Variants in OLR1 observed in about 807,000 individuals in gnomAD.
OLR1 encodes oxidized low density lipoprotein receptor 1.
OLR1 carries 23 observed loss-of-function variants against 31.7 expected under a neutral mutation model. The observed-to-expected ratio is 0.72, with a 90% confidence interval of 0.52 to 1.03. OLR1 has a LOEUF of 1.03. Ranked by LOEUF, OLR1 falls within the 50% of genes least tolerant of loss-of-function variation. OLR1 has a pLI of 0.00. For synonymous variants in OLR1, 117 were observed against 115.8 expected (o/e 1.01, Z -0.07); for missense variants, 286 against 315.7 (o/e 0.91, Z 0.71).
intron 1 of OLR1, 37 bp downstream of exon 1, chr12:10,171,965 G>T: frequency 6.7e-7 from 1 of 1,493,706 alleles, no homozygotes; most frequent in South Asian, 1.1e-5. Context: ...CTAACACTGG[G>T]ATTCTTTCCC....
Position 10,172,129 on chromosome 12 carries a change from A to C in OLR1, c.-52T>G. 1 of 1,275,736 alleles carries C rather than the reference A, an allele frequency of 7.8e-7. No homozygotes were observed. The highest frequency in any genetic ancestry group is 1.1e-6 in the Non-Finnish European group (1 of 875,126). 79.0% of individuals were successfully genotyped at this position (1,275,736 alleles called of 1,614,324 possible). ...AGTGAAGCAGTCACGAACTTCAACA[A>C]ACTAAAAATATGTGAGCTTCTGCAG... On this transcript the variant is annotated 5_prime_UTR_variant, in exon 1 of 6. Transcript: ENST00000309539.
chr12:10,160,512 G>A, intron 4 of OLR1, 50 bp from the exon 5 acceptor site: 2 of 1,410,854 alleles, frequency 1.4e-6, no homozygotes, highest in Non-Finnish European at 2.0e-6. Context: ...GGTGGTTTTA[G>A]AATCTGAAAG....
chr12:10,173,356 T>C (rs1043638128), upstream of OLR1, among the ~76,000 whole-genome samples: 3 of 152,104 alleles, frequency 2.0e-5, no homozygotes, highest in Admixed American at 6.5e-5. Flanking sequence ...GAAAAATAAA[T>C]ACATAAATAA....
At chr12:10,174,100 A>G (rs769430991), upstream of OLR1, among the ~76,000 whole-genome samples, 5 of 151,984 alleles carry the variant, frequency 3.3e-5, no homozygotes, top group Non-Finnish European at 5.9e-5. Context: ...CACCCTTGTT[A>G]CCCAGGGTGG....
Position 10,158,505 on chromosome 12 carries a change from A to G in OLR1, c.*1375T>C, listed in dbSNP as rs886291715. On this transcript the variant is annotated 3_prime_UTR_variant, in exon 6 of 6. Transcript: ENST00000309539. ...TTATGCAAAGTGAAAGAAGCCAGACAAAAAAAAAAGACATACTATATGATT... is the reference window on the plus strand; with the variant it reads ...TTATGCAAAGTGAAAGAAGCCAGACGAAAAAAAAAGACATACTATATGATT... The G allele has an allele frequency of 6.7e-6, 1 of 148,702 alleles. No homozygotes were observed. Among genetic ancestry groups the G allele is most frequent in the African/African-American group, 2.5e-5 (1 of 40,592 alleles). The allele number at this position is 148,702 out of a possible 1,614,324, so 9.2% of individuals were successfully genotyped here. A position where few individuals can be genotyped will look rare whatever the true frequency, so the allele number is the denominator to read the frequency against.
chr12:10,170,339 C>T (rs1948701221), intron 1 of OLR1: 2 of 152,114 alleles, frequency 1.3e-5, no homozygotes, highest in Non-Finnish European at 1.5e-5. Context: ...GTGTGTGTGG[C>T]AAGCTAGCAG....
chr12:10,162,996 A>G (rs1024486128), intron 3 of OLR1, among the ~76,000 whole-genome samples: 3 of 150,462 alleles, frequency 2.0e-5, no homozygotes, highest in Non-Finnish European at 4.4e-5. Flanking sequence ...TAAACAGAGT[A>G]AGTGATATTT....
At chr12:10,172,334 G>T, upstream of OLR1, 1 of 365,092 alleles carries the variant, frequency 2.7e-6, no homozygotes, top group Non-Finnish European at 5.1e-6. Flanking sequence ...AGTAATTTAT[G>T]AAAGGGAAAA....
chr12:10,161,921 A>G (rs1234437000), intron 3 of OLR1, among the ~76,000 whole-genome samples: 1 of 61,272 alleles, frequency 1.6e-5, no homozygotes, highest in Non-Finnish European at 3.1e-5. Flanking sequence ...TAGAAATTTT[A>G]ATGATATATA....
chr12:10,175,943 C>T (rs1050673584), upstream of OLR1, among the ~76,000 whole-genome samples: 2 of 152,228 alleles, frequency 1.3e-5, no homozygotes, highest in South Asian at 2.1e-4. Flanking sequence ...ACACTTGTTA[C>T]ACCAGTTGTA....
chr12:10,172,752 A>G (rs185261786), upstream of OLR1, among the ~76,000 whole-genome samples: 266 of 152,278 alleles, frequency 1.7e-3, 3 homozygotes, highest in South Asian at 1.9e-3. Context: ...TTAGTCTACA[A>G]TCTTGGGAAA....
chr12:10,171,883 A>G, intron 1 of OLR1, 119 bp downstream of exon 1: 1 of 673,240 alleles, frequency 1.5e-6, no homozygotes, highest in South Asian at 1.9e-5. Flanking sequence ...AGTAAATGGT[A>G]TTAATTCTAT....
At chr12:10,165,325 G>C (rs916576212) in intron 3 of OLR1, among the ~76,000 whole-genome samples, 1 of 151,298 alleles carries the variant, frequency 6.6e-6, no homozygotes, top group Non-Finnish European at 1.5e-5. Flanking sequence ...AGCTACTTGG[G>C]AGTCTGAGAC....
chr12:10,166,479 G>T (rs1948662782), intron 3 of OLR1, among the ~76,000 whole-genome samples: 1 of 149,484 alleles, frequency 6.7e-6, no homozygotes, highest in African/African-American at 2.5e-5. Context: ...AGTGAGCAGA[G>T]ATCACACCAC....
chr12:10,166,972 C>G lies in OLR1; in HGVS notation c.179-15G>C. On this transcript the variant is annotated splice_polypyrimidine_tract_variant and intron_variant, in intron 2 of 5. Transcript: ENST00000309539. The stretch of plus-strand genomic sequence containing the variant: ...CACCTGGGATACTGAATCACAGTTG[C>G]ATTAAGACTCTAGTTCTAATCCAAA... 6.2e-7 allele frequency: 1 copy of G among 1,607,836 alleles called. No homozygotes were observed. Among genetic ancestry groups the G allele is most frequent in the Non-Finnish European group, 8.5e-7 (1 of 1,177,868 alleles).
intron 3 of OLR1, among the ~76,000 whole-genome samples, chr12:10,162,032 G>A (rs1020482465): frequency 6.6e-6 from 1 of 151,784 alleles, no homozygotes; most frequent in Non-Finnish European, 1.5e-5. Flanking sequence ...ATTTAAACGA[G>A]ATTTTAGAAA....
rs1948667827 is a variant in OLR1, at chr12:10,166,922, C to T, written c.214G>A (p.Ala72Thr). The T allele has an allele frequency of 9.3e-6, 15 of 1,613,656 alleles. No homozygotes were observed. Among genetic ancestry groups the T allele is most frequent in the Non-Finnish European group, 1.3e-5 (15 of 1,179,954 alleles). The stretch of plus-strand genomic sequence containing the variant: ...TTCTTTTTCTGGTGAGTTAGGTTTG[C>T]TTGCTCTTGTGTTAGGAGGTCAGAC... ...QVSDLLTQEQ[A>T]NLTHQKKKLE... Residue 72 changes from alanine (A) to threonine (T), a missense_variant, in exon 3 of 6, where the codon GCA becomes ACA. By Grantham distance (58) the Ala-to-Thr change is moderately conservative (BLOSUM62 0). Coordinates refer to ENST00000309539, the MANE Select transcript of OLR1 (RefSeq NM_002543.4).
intron 2 of OLR1, chr12:10,167,257 C>T: frequency 3.6e-6 from 1 of 275,740 alleles, no homozygotes; most frequent in Admixed American, 5.0e-5. Context: ...GCAGGCAGAT[C>T]ACGAGGTCAA....
chr12:10,166,610 A>T (rs1384030744), intron 3 of OLR1, 102 bp downstream of exon 3: 1 of 1,205,302 alleles, frequency 8.3e-7, no homozygotes, highest in Non-Finnish European at 1.2e-6. Context: ...AATGATATGC[A>T]TAACAATAGA....
Sources: allele counts gnomAD v4.1 joint callset (sites outside exome capture counted in the v4.1 genomes callset), GRCh38; gene constraint gnomAD v4.1.1; transcripts MANE v1.5; gene names NCBI Gene and HGNC (gene_info 2026-07-23, HGNC 2026-07-21).